FAM193A: variants seen among roughly 807,000 people sequenced by gnomAD.
FAM193A encodes protein FAM193A.
Under a neutral mutation model 126.5 loss-of-function variants are expected in FAM193A, and 22 were observed. That is an observed-to-expected ratio of 0.17 (90% CI 0.12 to 0.25). The LOEUF (loss-of-function observed/expected upper bound fraction) is 0.25. Ranked by LOEUF, FAM193A falls within the 10% of genes least tolerant of loss-of-function variation. FAM193A has a pLI of 1.00. For missense variants in FAM193A, 1,675 were observed against 1,672.8 expected, an observed-to-expected ratio of 1.00 and a Z score of -0.02; for synonymous variants, 761 against 646.8, an observed-to-expected ratio of 1.18 and a Z score of -2.68.
intron 20 of FAM193A, among the ~76,000 whole-genome samples, chr4:2,731,405 C>T (rs540744990): frequency 2.2e-4 from 33 of 151,904 alleles, no homozygotes; most frequent in African/African-American, 5.8e-4. Context: ...AGGCTGGTCT[C>T]GAACTCCTAA....
At chr4:2,633,627 T>C (rs2109007184) in intron 5 of FAM193A, among the ~76,000 whole-genome samples, 1 of 150,260 alleles carries the variant, frequency 6.7e-6, no homozygotes, top group East Asian at 2.0e-4. Flanking sequence ...CGTGGTGGCT[T>C]ACGGCTATAA....
rs1745195970 is a variant in FAM193A, at chr4:2,646,831, A to G, written c.1310A>G (p.Gln437Arg). The change falls in exon 7 of 21, where the codon CAG (glutamine) becomes CGG (arginine). Residue 437 changes from glutamine (Q) to arginine (R), a missense_variant and splice_region_variant. This residue lies in a region of FAM193A where 1,186 missense variants were observed against 1,109.2 expected (regional missense o/e 1.07). Transcript: ENST00000637812. ...QKRIDAYVDEQMTMKTKQRML... is the reference protein window; with the variant it reads ...QKRIDAYVDERMTMKTKQRML... ...AGGATCGACGCCTATGTCGACGAGC[A>G]GGTGAGTGCCACCCGGGACCACCGC... 6.2e-7 allele frequency: 1 copy of G among 1,611,238 alleles called. No individual in the cohort carries two copies. The highest frequency in any genetic ancestry group is 2.2e-5 in the East Asian group (1 of 44,852).
At chr4:2,633,436 C>A (rs1238054656) in intron 5 of FAM193A, among the ~76,000 whole-genome samples, 1 of 151,820 alleles carries the variant, frequency 6.6e-6, no homozygotes, top group African/African-American at 2.4e-5. Context: ...GAAATAATTT[C>A]TTGTGGCTTG....
intron 1 of FAM193A, among the ~76,000 whole-genome samples, chr4:2,570,524 C>T (rs1004713401): frequency 6.6e-6 from 1 of 152,182 alleles, no homozygotes; most frequent in Non-Finnish European, 1.5e-5. Context: ...AACTGTTACC[C>T]TCCTTGCAGA....
At chr4:2,550,786 TA>T (rs1737873924) in intron 1 of FAM193A, among the ~76,000 whole-genome samples, 1 of 79,884 alleles carries the variant, frequency 1.3e-5, no homozygotes, top group Non-Finnish European at 2.6e-5. Flanking sequence ...TTTATTTATT[TA>T]TTTATTTATT....
chr4:2,693,030 C>G (rs1249226708), intron 15 of FAM193A, among the ~76,000 whole-genome samples: 2 of 151,844 alleles, frequency 1.3e-5, no homozygotes, highest in Non-Finnish European at 2.9e-5. Flanking sequence ...TAGTGAGACA[C>G]TGTCTCTTAG....
chr4:2,623,490 C>T (rs907656080), intron 2 of FAM193A, among the ~76,000 whole-genome samples: 8 of 152,232 alleles, frequency 5.3e-5, no homozygotes, highest in Non-Finnish European at 1.0e-4. Flanking sequence ...TGTCTTAATC[C>T]TCTGCCCACT....
chr4:2,723,036 G>A (rs1238566902), intron 20 of FAM193A, among the ~76,000 whole-genome samples: 4 of 152,196 alleles, frequency 2.6e-5, no homozygotes, highest in Non-Finnish European at 5.9e-5. Flanking sequence ...CACTTTGGGA[G>A]GCCAAGGCAG....
Position 2,693,571 on chromosome 4 carries a change from CCT to C in FAM193A, c.2804-10_2804-9del. ...GAAACAAACTTGGCAGTGACTCTCG[CCT>C]CTCTAAATGCAGGTGACGTGTTTCA... On this transcript the variant is annotated splice_polypyrimidine_tract_variant and intron_variant, in intron 15 of 20. Transcript: ENST00000637812. 6.3e-7 allele frequency: 1 copy of C among 1,599,648 alleles called. No individual in the cohort carries two copies. The highest frequency in any genetic ancestry group is 1.1e-5 in the South Asian group (1 of 90,164).
At chr4:2,585,707 A>G (rs991939855) in intron 1 of FAM193A, among the ~76,000 whole-genome samples, 3 of 152,002 alleles carry the variant, frequency 2.0e-5, no homozygotes, top group African/African-American at 7.3e-5. Context: ...TGGGCGGATC[A>G]CCTGAGGTCA....
At position 2,673,774 on chromosome 4, in the gene FAM193A, A is replaced by G. The variant is rs78841033; in HGVS notation, c.2331+1402A>G. 3.0e-3 allele frequency among the ~76,000 whole-genome samples: 459 copies of G among 152,326 alleles called. 1 individual carries two copies. The highest frequency in any genetic ancestry group is 0.011 in the African/African-American group (445 of 41,576). ...TTAGATGTTTTTGCTGCTGGAAGCT[A>G]TTCAAGAATTAGTTCCGAAAAATAA... On this transcript the variant is annotated intron_variant, in intron 13 of 20. Transcript: ENST00000637812.
chr4:2,651,568 G>A (rs1745669633), intron 7 of FAM193A, among the ~76,000 whole-genome samples: 1 of 152,186 alleles, frequency 6.6e-6, no homozygotes, highest in African/African-American at 2.4e-5. Flanking sequence ...CATGAGAACA[G>A]CATGGGGGAA....
chr4:2,572,183 A>G (rs1023954394), intron 1 of FAM193A, among the ~76,000 whole-genome samples: 4 of 121,662 alleles, frequency 3.3e-5, no homozygotes, highest in Non-Finnish European at 5.3e-5. Context: ...AAAAAAAAAA[A>G]CTGGGTGTGG....
intron 1 of FAM193A, among the ~76,000 whole-genome samples, chr4:2,537,423 C>T (rs1284241054): frequency 6.6e-6 from 1 of 152,120 alleles, no homozygotes; most frequent in African/African-American, 2.4e-5. Context: ...GGGAGGGCTA[C>T]ACCGGGGCCG....
At chr4:2,607,679 A>G (rs746339130) in intron 2 of FAM193A, among the ~76,000 whole-genome samples, 9 of 152,208 alleles carry the variant, frequency 5.9e-5, no homozygotes, top group Admixed American at 6.5e-5. Context: ...TTAATTATCA[A>G]TGATATGTTC....
rs1717542564 is a variant in FAM193A at position 2,700,141 on chromosome 4, T to G, written c.3969T>G (p.Phe1323Leu). 1 of 1,613,628 alleles carries G rather than the reference T, an allele frequency of 6.2e-7. No individual in the cohort carries two copies. Among genetic ancestry groups the G allele is most frequent in the African/African-American group, 1.3e-5 (1 of 74,904 alleles). The stretch of plus-strand genomic sequence containing the variant: ...GGAAGCAGCATGAGCCACTCTCTTT[T>G]TTCTTCGACATCATGCAGCACCATA... ...VNGKQHEPLSFFFDIMQHHKE... is the reference protein window; with the variant it reads ...VNGKQHEPLSLFFDIMQHHKE... Residue 1323 changes from phenylalanine to leucine, a missense_variant, in exon 19 of 21, where the codon TTT becomes TTG. Coordinates refer to ENST00000637812, the MANE Select transcript of FAM193A (RefSeq NM_001366318.2).
intron 7 of FAM193A, among the ~76,000 whole-genome samples, chr4:2,652,149 G>C (rs1444393719): frequency 2.0e-5 from 3 of 152,150 alleles, no homozygotes; most frequent in Admixed American, 6.5e-5. Flanking sequence ...CCCTTCATGG[G>C]AGGCACTTGT....
At chr4:2,725,238 A>G (rs538535449) in intron 20 of FAM193A, among the ~76,000 whole-genome samples, 2 of 151,994 alleles carry the variant, frequency 1.3e-5, no homozygotes, top group South Asian at 4.1e-4. Flanking sequence ...ATACACACAC[A>G]TATATATGGT....
chr4:2,580,670 A>C (rs945148900), intron 1 of FAM193A, among the ~76,000 whole-genome samples: 1 of 152,130 alleles, frequency 6.6e-6, no homozygotes. Context: ...TCCCCCCTCT[A>C]TCTCTGGCTC....
Sources: allele counts gnomAD v4.1 joint callset (sites outside exome capture counted in the v4.1 genomes callset), GRCh38; gene constraint gnomAD v4.1.1; regional missense constraint gnomAD v4.1.1; transcripts MANE v1.5; gene names NCBI Gene and HGNC (gene_info 2026-07-23, HGNC 2026-07-21).